Variants in PIGK observed in about 807,000 individuals in gnomAD.
PIGK encodes the protein phosphatidylinositol glycan anchor biosynthesis class K, also known as GPI-anchor transamidase.
In PIGK, 42 loss-of-function variants were observed where a neutral mutation model predicts 50.6. The ratio of observed to expected loss-of-function variants is 0.83; its 90% CI spans 0.65 to 1.07. The LOEUF (loss-of-function observed/expected upper bound fraction) is 1.07. PIGK is among the 50% of genes least tolerant of loss of function. The probability of loss-of-function intolerance (pLI) is 0.00; values close to 1 mark genes in which losing one functional copy is unlikely to be tolerated. For synonymous variants in PIGK, 151 were observed against 156.0 expected, an observed-to-expected ratio of 0.97 and a Z score of 0.24; for missense variants, 448 against 488.7, an observed-to-expected ratio of 0.92 and a Z score of 0.78.
At chr1:77,183,774 G>A (rs2100570845) in intron 3 of PIGK, among the ~76,000 whole-genome samples, 1 of 152,192 alleles carries the variant, frequency 6.6e-6, no homozygotes, top group Middle Eastern at 3.4e-3. Flanking sequence ...ATTAAAAGAT[G>A]GCCCACTGTG....
At chr1:77,105,444 CT>C (rs1348884228) in intron 10 of PIGK, among the ~76,000 whole-genome samples, 2 of 151,850 alleles carry the variant, frequency 1.3e-5, no homozygotes, top group Non-Finnish European at 2.9e-5. Context: ...GGACCCACCC[CT>C]ATCTGCCTAG....
At chr1:77,098,422 C>A (rs1653470729) in intron 10 of PIGK, among the ~76,000 whole-genome samples, 1 of 151,752 alleles carries the variant, frequency 6.6e-6, no homozygotes, top group Non-Finnish European at 1.5e-5. Context: ...TCCTCAATCT[C>A]CCAAGTTCAA....
chr1:77,174,519 G>C (rs1233863212), intron 3 of PIGK, among the ~76,000 whole-genome samples: 2 of 152,294 alleles, frequency 1.3e-5, no homozygotes, highest in East Asian at 3.9e-4. Flanking sequence ...TGCATCACAA[G>C]ACAGCTTTGG....
At chr1:77,210,935 T>C (rs1277298661) in intron 1 of PIGK, among the ~76,000 whole-genome samples, 1 of 152,038 alleles carries the variant, frequency 6.6e-6, no homozygotes. Flanking sequence ...ATATAACTCA[T>C]ATCTTTCTAT....
chr1:77,206,089 A>C (rs1357343346), intron 3 of PIGK, among the ~76,000 whole-genome samples: 1 of 152,176 alleles, frequency 6.6e-6, no homozygotes, highest in Non-Finnish European at 1.5e-5. Context: ...GCAGGAGGCA[A>C]TAGCAACATT....
intron 6 of PIGK, among the ~76,000 whole-genome samples, chr1:77,163,365 C>T (rs1465670090): frequency 6.6e-6 from 1 of 152,112 alleles, no homozygotes; most frequent in African/African-American, 2.4e-5. Flanking sequence ...TGCATGACAG[C>T]TTCCAACTAA....
intron 9 of PIGK, among the ~76,000 whole-genome samples, chr1:77,123,071 T>C (rs1654140872): frequency 6.6e-6 from 1 of 152,160 alleles, no homozygotes; most frequent in African/African-American, 2.4e-5. Context: ...ATATTTCTAA[T>C]ATCTACATGT....
intron 9 of PIGK, among the ~76,000 whole-genome samples, chr1:77,146,247 A>T (rs1654764879): frequency 6.6e-6 from 1 of 152,224 alleles, no homozygotes; most frequent in Non-Finnish European, 1.5e-5. Context: ...TTCTAGAAGA[A>T]AACAAGAAAA....
chr1:77,164,369 T>A (rs755564858), intron 5 of PIGK, among the ~76,000 whole-genome samples: 7 of 152,170 alleles, frequency 4.6e-5, no homozygotes, highest in Non-Finnish European at 8.8e-5. Flanking sequence ...TAGAGGCAGG[T>A]TGCCTGGATT....
intron 9 of PIGK, among the ~76,000 whole-genome samples, chr1:77,134,482 T>C (rs1465467068): frequency 3.3e-5 from 5 of 152,222 alleles, no homozygotes; most frequent in Non-Finnish European, 2.9e-5. Context: ...ATGACAATTA[T>C]GTCACTCTAG....
At chr1:77,156,074 A>G (rs1156543575) in intron 8 of PIGK, among the ~76,000 whole-genome samples, 2 of 152,192 alleles carry the variant, frequency 1.3e-5, no homozygotes, top group African/African-American at 4.8e-5. Context: ...TCAGGATACA[A>G]ATTAAAAAGG....
intron 10 of PIGK, among the ~76,000 whole-genome samples, chr1:77,115,391 G>A (rs925539121): frequency 6.6e-6 from 1 of 152,070 alleles, no homozygotes; most frequent in Non-Finnish European, 1.5e-5. Context: ...TCAACCTGAG[G>A]TGGTACTGTG....
chr1:77,168,675 T>C (rs2100560294), intron 4 of PIGK, among the ~76,000 whole-genome samples: 1 of 124,266 alleles, frequency 8.0e-6, no homozygotes, highest in African/African-American at 4.1e-5. Context: ...AAATTGTGTC[T>C]TACTTTTGGT....
At chr1:77,149,958 A>G (rs1654857161) in intron 9 of PIGK, among the ~76,000 whole-genome samples, 1 of 152,168 alleles carries the variant, frequency 6.6e-6, no homozygotes. Context: ...GGAAAACTAT[A>G]CAAATACATG....
At chr1:77,126,314 GT>G (rs1457493029) in intron 9 of PIGK, among the ~76,000 whole-genome samples, 6 of 152,106 alleles carry the variant, frequency 3.9e-5, no homozygotes, top group African/African-American at 7.2e-5. Context: ...TTCTTTTTCT[GT>G]TGAGGATTAT....
At chr1:77,212,268 G>C (rs972271924) in intron 1 of PIGK, among the ~76,000 whole-genome samples, 2 of 152,054 alleles carry the variant, frequency 1.3e-5, no homozygotes, top group Non-Finnish European at 2.9e-5. Flanking sequence ...AGAATGTCTA[G>C]GTTCGAATCT....
chr1:77,209,372 T>G, intron 2 of PIGK, among the ~76,000 whole-genome samples: 1 of 151,928 alleles, frequency 6.6e-6, no homozygotes, highest in South Asian at 2.1e-4. Context: ...CACACTAAGG[T>G]TGGGCAAAAG....
At chr1:77,094,899 T>G (rs1653373678) in intron 10 of PIGK, among the ~76,000 whole-genome samples, 1 of 152,078 alleles carries the variant, frequency 6.6e-6, no homozygotes, top group Non-Finnish European at 1.5e-5. Context: ...AAAATCAAAG[T>G]GCTATTTCTC....
At chr1:77,099,548 G>A (rs535481251) in intron 10 of PIGK, among the ~76,000 whole-genome samples, 6 of 152,184 alleles carry the variant, frequency 3.9e-5, no homozygotes, top group Non-Finnish European at 7.4e-5. Context: ...AAAGTAACCC[G>A]GATAGCATTA....
Sources: gnomAD v4.1 joint callset for allele counts (sites outside exome capture counted in the v4.1 genomes callset) on GRCh38, gnomAD v4.1.1 for gene constraint, MANE v1.5 for transcripts, NCBI Gene and HGNC (gene_info 2026-07-23, HGNC 2026-07-21) for gene names.